The following PXDN variants were observed in gnomAD, a reference collection of about 807,000 sequenced individuals.
The protein encoded by PXDN is peroxidasin.
A neutral mutation model predicts 140.3 loss-of-function variants in PXDN; 77 were observed. The ratio of observed to expected loss-of-function variants is 0.55; its 90% CI spans 0.46 to 0.66. The LOEUF (loss-of-function observed/expected upper bound fraction) is 0.66. PXDN is among the 30% of genes least tolerant of loss of function. The pLI is 0.00. For missense variants in PXDN, 1,838 were observed against 2,039.5 expected (o/e 0.90, Z 1.90); for synonymous variants, 911 against 857.4 (o/e 1.06, Z -1.09).
chr2:1,680,900 G>A (rs1683884966), intron 6 of PXDN, among the ~76,000 whole-genome samples: 1 of 152,190 alleles, frequency 6.6e-6, no homozygotes, highest in Admixed American at 6.5e-5. Context: ...TAAGTTTCCT[G>A]AGGTCCAAGC....
chr2:1,738,289 C>G (rs1260350338), intron 1 of PXDN, among the ~76,000 whole-genome samples: 1 of 152,146 alleles, frequency 6.6e-6, no homozygotes, highest in Non-Finnish European at 1.5e-5. Flanking sequence ...CACTAAAGAC[C>G]AGAGGCCAGC....
intron 3 of PXDN, among the ~76,000 whole-genome samples, chr2:1,689,262 G>C (rs1684133070): frequency 1.3e-5 from 2 of 152,100 alleles, no homozygotes; most frequent in Admixed American, 1.3e-4. Context: ...TGTTCACATG[G>C]GAGTTGTTAC....
intron 21 of PXDN, chr2:1,635,742 A>G (rs990053513): frequency 2.2e-5 from 12 of 542,766 alleles, no homozygotes; most frequent in Non-Finnish European, 4.0e-5. Context: ...CGTGCTGTCA[A>G]ATAAAAACCG....
At chr2:1,654,200 A>G (rs1354820050) in intron 15 of PXDN, among the ~76,000 whole-genome samples, 200 bp downstream of exon 15, 1 of 152,252 alleles carries the variant, frequency 6.6e-6, no homozygotes, top group Non-Finnish European at 1.5e-5. Context: ...TCTATTTGAA[A>G]AGCACACATC....
chr2:1,694,121 T>C (rs143731706), intron 1 of PXDN, among the ~76,000 whole-genome samples: 126 of 152,362 alleles, frequency 8.3e-4, no homozygotes, highest in African/African-American at 3.0e-3. Flanking sequence ...TCCTTAATCA[T>C]AGGTCCAATC....
rs550539454 is a variant in PXDN, at chr2:1,651,895, C to T, written c.2104+1733G>A. ...TGAGGGCAGAGGTTTTTATTTCTTC[C>T]GTTTGTGACTGTAGGCCCTGGCCCA... is the stretch of plus-strand genomic sequence containing the variant. On this transcript the variant is annotated intron_variant, in intron 16 of 22. Coordinates refer to ENST00000252804, the MANE Select transcript of PXDN (RefSeq NM_012293.3). This position sits in a 1 kb window ranked among gnomAD's most constrained non-coding sequence, Gnocchi z 4.4. 5.9e-5 allele frequency among the ~76,000 whole-genome samples: 9 copies of T among 152,174 alleles called. No individual in the cohort carries two copies. Among genetic ancestry groups the T allele is most frequent in the Non-Finnish European group, 1.0e-4 (7 of 68,046 alleles).
chr2:1,679,007 T>C (rs1683798024), intron 7 of PXDN, among the ~76,000 whole-genome samples: 1 of 151,552 alleles, frequency 6.6e-6, no homozygotes, highest in Non-Finnish European at 1.5e-5. Flanking sequence ...AAAAAAACTG[T>C]GTATTTTTGT....
intron 16 of PXDN, among the ~76,000 whole-genome samples, chr2:1,650,081 C>T (rs764881294): frequency 1.3e-5 from 2 of 152,312 alleles, no homozygotes; most frequent in East Asian, 1.9e-4. Flanking sequence ...CACCTCCACA[C>T]GAGTGCACAC....
chr2:1,664,557 C>T (rs1683386406), intron 11 of PXDN: 1 of 171,548 alleles, frequency 5.8e-6, no homozygotes, highest in African/African-American at 2.4e-5. Context: ...AGAGCAAAAG[C>T]TATTCGTCTG....
At chr2:1,661,116 G>A in intron 13 of PXDN, 79 bp from the exon 14 acceptor site, 1 of 1,531,416 alleles carries the variant, frequency 6.5e-7, no homozygotes, top group Non-Finnish European at 8.9e-7. Flanking sequence ...TTGGGGGAGG[G>A]GAGCCATTTG....
chr2:1,650,876 A>T (rs1373834153), intron 16 of PXDN, among the ~76,000 whole-genome samples: 2 of 152,114 alleles, frequency 1.3e-5, no homozygotes, highest in African/African-American at 4.8e-5. Context: ...CACAGGTATC[A>T]CTATGGACAC....
rs913264064 is a variant in PXDN, at chr2:1,714,480, G to C, written c.201-21346C>G. Among the ~76,000 whole-genome samples, 11 of 152,010 alleles carry C rather than the reference G, an allele frequency of 7.2e-5. No homozygotes were observed. Among genetic ancestry groups the C allele is most frequent in the Non-Finnish European group, 8.8e-5 (6 of 68,008 alleles). On this transcript the variant is annotated intron_variant, in intron 1 of 22. Transcript: ENST00000252804. The surrounding 1 kb of genome is among the most constrained non-coding windows in gnomAD (Gnocchi z 4.3). ...CCCTTCCTCATCACCACCAATCCTCGCCCAGCAATGACCGCGGGTCCACGC... is the reference window on the plus strand; with the variant it reads ...CCCTTCCTCATCACCACCAATCCTCCCCCAGCAATGACCGCGGGTCCACGC...
chr2:1,690,357 C>T (rs1038776067), intron 3 of PXDN, among the ~76,000 whole-genome samples: 10 of 152,050 alleles, frequency 6.6e-5, no homozygotes, highest in African/African-American at 2.4e-4. Context: ...GGAGTGTGGG[C>T]GCTCAGAGCC....
intron 16 of PXDN, 180 bp downstream of exon 16, chr2:1,653,448 T>C: frequency 1.0e-6 from 1 of 956,256 alleles, no homozygotes; most frequent in Non-Finnish European, 1.6e-6. Context: ...TAAACCAAAG[T>C]GAGAGCGACA....
intron 6 of PXDN, among the ~76,000 whole-genome samples, chr2:1,682,727 G>C (rs1683936541): frequency 3.3e-5 from 5 of 152,138 alleles, no homozygotes; most frequent in African/African-American, 1.2e-4. Flanking sequence ...ATCACCTGAG[G>C]TCAGGAGTTC....
chr2:1,705,695 A>G (rs528750014), intron 1 of PXDN, among the ~76,000 whole-genome samples: 1 of 143,318 alleles, frequency 7.0e-6, no homozygotes, highest in South Asian at 2.3e-4. Flanking sequence ...GCTCCCCGTG[A>G]CCTGGGATGC....
At chr2:1,653,418 C>T (rs1307402605) in intron 16 of PXDN, 7 of 725,764 alleles carry the variant, frequency 9.6e-6, no homozygotes, top group African/African-American at 1.8e-5. Context: ...AGGGACTTCA[C>T]GTCCCCCAGA....
At chr2:1,638,717 A>C in intron 21 of PXDN, 129 bp downstream of exon 21, 1 of 1,411,326 alleles carries the variant, frequency 7.1e-7, no homozygotes, top group Non-Finnish European at 9.8e-7. Context: ...CCAAGGCTCC[A>C]GGGTCTGGGT....
rs1215072296 is a variant in PXDN at position 1,648,663 on chromosome 2, C to T, written c.3117G>A (p.Leu1039=). The change falls in exon 17 of 23, where the codon CTG becomes CTA. Residue 1039 remains leucine (L), a synonymous_variant. Coordinates refer to ENST00000252804, the MANE Select transcript of PXDN (RefSeq NM_012293.3). The surrounding 1 kb of genome is among the most constrained non-coding windows in gnomAD (Gnocchi z 8.9). ...ITYQHWLPKI[L]GEVGMRTLGE... is the part of the protein sequence containing the mutation. ...CCAGCGTCCTCATGCCCACCTCCCCCAGGATCTTCGGGAGCCAGTGCTGGT... is the reference window on the plus strand; with the variant it reads ...CCAGCGTCCTCATGCCCACCTCCCCTAGGATCTTCGGGAGCCAGTGCTGGT... 6.2e-7 allele frequency: 1 copy of T among 1,609,132 alleles called. No individual in the cohort carries two copies. The highest frequency in any genetic ancestry group is 1.3e-5 in the African/African-American group (1 of 74,742).
Sources: allele counts gnomAD v4.1 joint callset (sites outside exome capture counted in the v4.1 genomes callset), GRCh38; gene constraint gnomAD v4.1.1; non-coding constraint Gnocchi (gnomAD v3.1); transcripts MANE v1.5; gene names NCBI Gene and HGNC (gene_info 2026-07-23, HGNC 2026-07-21).